The following ANXA4 variants were observed in gnomAD, a reference collection of about 807,000 sequenced individuals.
The protein encoded by ANXA4 is 35-beta calcimedin.
In ANXA4, 39 loss-of-function variants were observed where a neutral mutation model predicts 49.8. That is an observed-to-expected ratio of 0.78 (90% CI 0.61 to 1.02). The LOEUF (loss-of-function observed/expected upper bound fraction) is 1.02, where lower values mean the gene tolerates loss of function less well. Ranked by LOEUF, ANXA4 falls within the 50% of genes least tolerant of loss-of-function variation. ANXA4 has a pLI of 0.00. For missense variants in ANXA4, 360 were observed against 410.1 expected (o/e 0.88, Z 1.05); for synonymous variants, 134 against 152.5 (o/e 0.88, Z 0.89).
chr2:69,718,432 A>G (rs1409518293), intron 2 of ANXA4, among the ~76,000 whole-genome samples: 2 of 152,198 alleles, frequency 1.3e-5, no homozygotes, highest in African/African-American at 4.8e-5. Flanking sequence ...ACTAAATTAT[A>G]TTCAACTTTC....
chr2:69,700,888 T>A (rs186817314), intron 2 of ANXA4, among the ~76,000 whole-genome samples: 1 of 152,236 alleles, frequency 6.6e-6, no homozygotes, highest in East Asian at 1.9e-4. Context: ...CTTTTCTGAT[T>A]TTGAGACAGA....
chr2:69,741,615 T>C (rs1165858474), upstream of ANXA4, among the ~76,000 whole-genome samples: 5 of 152,274 alleles, frequency 3.3e-5, no homozygotes, highest in Non-Finnish European at 7.3e-5. Flanking sequence ...CTTTCTACTT[T>C]TCCGGCCACG....
intron 1 of ANXA4, among the ~76,000 whole-genome samples, chr2:69,646,184 C>A (rs1302881369): frequency 6.6e-6 from 1 of 152,196 alleles, no homozygotes; most frequent in South Asian, 2.1e-4. Flanking sequence ...AAAACCAGAG[C>A]TCTTACAACT....
rs111454594 is a variant in ANXA4 at position 69,717,702 on chromosome 2, C to T, written n.767-3072C>T. Reference sequence around the variant, plus strand: ...CTTTGGAATATGTTGTTCCCTGTGACCCCTCCCCACAAAGCCTTGCCTCTG... The same window carrying T: ...CTTTGGAATATGTTGTTCCCTGTGATCCCTCCCCACAAAGCCTTGCCTCTG... On this transcript the variant is annotated intron_variant and non_coding_transcript_variant, in intron 2 of 3. Coordinates refer to the ANXA4 transcript ENST00000418066. 3.9e-3 allele frequency among the ~76,000 whole-genome samples: 590 copies of T among 152,292 alleles called. 3 individuals are homozygous for T. Among genetic ancestry groups the T allele is most frequent in the African/African-American group, 0.014 (565 of 41,550 alleles).
At chr2:69,774,919 G>A (rs543280414) in intron 1 of ANXA4, among the ~76,000 whole-genome samples, 11 of 152,278 alleles carry the variant, frequency 7.2e-5, no homozygotes, top group African/African-American at 2.2e-4. Context: ...AAACATCTGC[G>A]ATTGCTCCAT....
At chr2:69,765,803 T>A (rs1013367678) in intron 1 of ANXA4, among the ~76,000 whole-genome samples, 3 of 152,016 alleles carry the variant, frequency 2.0e-5, no homozygotes, top group Non-Finnish European at 4.4e-5. Context: ...ACCATGGGTC[T>A]CAGAAAGAAA....
chr2:69,783,649 C>T (rs1270826771), intron 2 of ANXA4, among the ~76,000 whole-genome samples: 1 of 152,126 alleles, frequency 6.6e-6, no homozygotes, highest in Non-Finnish European at 1.5e-5. Context: ...GGTTACTGGT[C>T]GTTAAGTTTT....
chr2:69,645,967 C>A (rs1388495985), intron 1 of ANXA4, among the ~76,000 whole-genome samples: 2 of 152,286 alleles, frequency 1.3e-5, no homozygotes, highest in South Asian at 2.1e-4. Context: ...GGATTCAAAC[C>A]CAAACATTTT....
intron 3 of ANXA4, among the ~76,000 whole-genome samples, chr2:69,802,551 A>G (rs1673248874): frequency 6.6e-6 from 1 of 152,060 alleles, no homozygotes; most frequent in African/African-American, 2.4e-5. Flanking sequence ...TCTCTACTAA[A>G]AACACAAAAA....
intron 2 of ANXA4, among the ~76,000 whole-genome samples, chr2:69,701,499 G>A (rs980642506): frequency 6.6e-6 from 1 of 152,142 alleles, no homozygotes; most frequent in Non-Finnish European, 1.5e-5. Flanking sequence ...TTAGCGTAAC[G>A]TCCTCAAGGT....
At chr2:69,699,633 A>AAAAAC (rs1024008684) in intron 2 of ANXA4, among the ~76,000 whole-genome samples, 5 of 152,288 alleles carry the variant, frequency 3.3e-5, no homozygotes, top group South Asian at 2.1e-4. Flanking sequence ...CCCTGTCCCA[A>AAAAAC]AAAACAAAAC....
At chr2:69,756,156 C>A (rs969981068) in intron 1 of ANXA4, among the ~76,000 whole-genome samples, 2 of 152,242 alleles carry the variant, frequency 1.3e-5, no homozygotes, top group Non-Finnish European at 2.9e-5. Context: ...TATCCCTGGC[C>A]TTACCTTGTG....
chr2:69,777,075 C>G (rs959394656), intron 1 of ANXA4, among the ~76,000 whole-genome samples: 1 of 152,172 alleles, frequency 6.6e-6, no homozygotes, highest in Non-Finnish European at 1.5e-5. Flanking sequence ...AGATCAGGAA[C>G]AGCCAAATGG....
chr2:69,747,215 G>T (rs758634917), intron 1 of ANXA4, among the ~76,000 whole-genome samples: 4 of 151,908 alleles, frequency 2.6e-5, no homozygotes, highest in Admixed American at 6.6e-5. Flanking sequence ...TCACCTCCCC[G>T]CCACCCCAGA....
intron 9 of ANXA4, chr2:69,816,595 A>G (rs1674005035): frequency 6.2e-6 from 1 of 161,446 alleles, no homozygotes; most frequent in Non-Finnish European, 1.4e-5. Context: ...CCAAGCTGTA[A>G]AGCTAATACA....
chr2:69,825,206 G>A (rs952053906), intron 12 of ANXA4, among the ~76,000 whole-genome samples: 1 of 151,990 alleles, frequency 6.6e-6, no homozygotes, highest in Non-Finnish European at 1.5e-5. Context: ...AAAAAAGACT[G>A]GAAGGACATT....
At position 69,806,369 on chromosome 2, in the gene ANXA4, C is replaced by A; in HGVS notation, c.193-16C>A. 1 of 1,594,842 alleles carries A rather than the reference C, an allele frequency of 6.3e-7. No individual in the cohort carries two copies. The highest frequency in any genetic ancestry group is 8.6e-7 in the Non-Finnish European group (1 of 1,162,456). Reference sequence around the variant, plus strand: ...TTGCTATAGCAGTTAAGCGGAGCTACTTTCTTGCATTGCAGGACTTGATAG... The same window carrying A: ...TTGCTATAGCAGTTAAGCGGAGCTAATTTCTTGCATTGCAGGACTTGATAG... On this transcript the variant is annotated splice_polypyrimidine_tract_variant and intron_variant, in intron 4 of 12. Coordinates refer to ENST00000394295, the MANE Select transcript of ANXA4 (RefSeq NM_001153.5).
chr2:69,773,191 G>T (rs540863367), intron 1 of ANXA4, among the ~76,000 whole-genome samples: 1 of 152,266 alleles, frequency 6.6e-6, no homozygotes, highest in African/African-American at 2.4e-5. Flanking sequence ...TTCCTTAAGT[G>T]AAATATTTCT....
At chr2:69,715,261 G>A (rs1226202335) in intron 2 of ANXA4, among the ~76,000 whole-genome samples, 1 of 152,042 alleles carries the variant, frequency 6.6e-6, no homozygotes, top group African/African-American at 2.4e-5. Context: ...CCAGGCTGGA[G>A]TGCAGTGGTG....
Sources: gnomAD v4.1 joint callset for allele counts (sites outside exome capture counted in the v4.1 genomes callset) on GRCh38, gnomAD v4.1.1 for gene constraint, MANE v1.5 for transcripts, NCBI Gene and HGNC (gene_info 2026-07-23, HGNC 2026-07-21) for gene names.